IGBP1: variants seen among roughly 807,000 people sequenced by gnomAD.
IGBP1 encodes immunoglobulin binding protein 1.
Under a neutral mutation model 25.9 loss-of-function variants are expected in IGBP1, and 2 were observed. The observed-to-expected ratio is 0.08, with a 90% confidence interval of 0.03 to 0.24. The LOEUF (loss-of-function observed/expected upper bound fraction) is 0.24. IGBP1 is among the 10% of genes least tolerant of loss of function. IGBP1 has a pLI of 1.00. For missense variants in IGBP1, 187 were observed against 260.4 expected (o/e 0.72, Z 1.94); for synonymous variants, 96 against 93.4 (o/e 1.03, Z -0.16).
intron 3 of IGBP1, among the ~76,000 whole-genome samples, chrX:70,143,374 A>G: frequency 8.9e-6 from 1 of 112,550 alleles, no homozygotes; most frequent in Non-Finnish European, 1.9e-5. Flanking sequence ...ATTGAATTCT[A>G]CATTGGCTGG....
At chrX:70,164,460 T>A (rs2085286829) in intron 6 of IGBP1, among the ~76,000 whole-genome samples, 1 of 112,034 alleles carries the variant, frequency 8.9e-6, no homozygotes, top group South Asian at 3.7e-4. Flanking sequence ...TAGAATTTTT[T>A]AAATTGGATT....
chrX:70,134,848 C>T, intron 3 of IGBP1, 32 bp downstream of exon 3: 1 of 1,171,426 alleles, frequency 8.5e-7, no homozygotes, highest in South Asian at 1.8e-5. Flanking sequence ...GAGGCCTGCC[C>T]AATGGCGGTG....
intron 3 of IGBP1, among the ~76,000 whole-genome samples, chrX:70,135,287 G>T (rs186930735): frequency 0.014 from 1,610 of 111,525 alleles, 36 homozygotes; most frequent in African/African-American, 0.049. Flanking sequence ...GGTTTTTTTT[G>T]TTGTTGTTGT....
intron 6 of IGBP1, among the ~76,000 whole-genome samples, chrX:70,165,393 A>G (rs972974266): frequency 1.8e-5 from 2 of 111,254 alleles, no homozygotes; most frequent in African/African-American, 6.5e-5. Flanking sequence ...TGGATGGAGG[A>G]GGAAACGTCA....
chrX:70,146,489 G>A, intron 3 of IGBP1, 144 bp from the exon 4 acceptor site: 1 of 513,241 alleles, frequency 1.9e-6, no homozygotes, highest in Non-Finnish European at 3.4e-6. Flanking sequence ...TAATTCTGGG[G>A]TATAGAATCT....
rs186338134 is a variant in IGBP1 at position 70,157,264 on chromosome X, G to C, written c.871+6942G>C. Reference sequence around the variant, plus strand: ...ATTACCTAAGGTTTTACCTTAACAAGGGTGGGGGTGGGGGCATAGGGAACA... The same window carrying C: ...ATTACCTAAGGTTTTACCTTAACAACGGTGGGGGTGGGGGCATAGGGAACA... On this transcript the variant is annotated intron_variant, in intron 6 of 6. Coordinates refer to ENST00000356413, the MANE Select transcript of IGBP1 (RefSeq NM_001551.3). Among the ~76,000 whole-genome samples the C allele has an allele frequency of 2.7e-3, 283 of 106,215 alleles. 1 individual carries two copies. The highest frequency in any genetic ancestry group is 4.1e-3 in the Non-Finnish European group (213 of 51,402). 92.2% of individuals were successfully genotyped at this position (106,215 alleles called of 115,157 possible).
At chrX:70,150,801 T>C (rs752673513) in intron 6 of IGBP1, among the ~76,000 whole-genome samples, 3 of 112,355 alleles carry the variant, frequency 2.7e-5, no homozygotes, top group South Asian at 3.7e-4. Flanking sequence ...TTTGACTTAC[T>C]GTACCTTTAG....
At position 70,145,565 on chromosome X, in the gene IGBP1, A is replaced by G. The variant is rs1317550676; in HGVS notation, c.483-1068A>G. 3.6e-5 allele frequency among the ~76,000 whole-genome samples: 4 copies of G among 111,456 alleles called. No homozygotes were observed. In the Admixed American group the frequency reaches 3.9e-4, roughly 11 times the overall value. ...AGCCTCCAGTGGCTTTCCCATTCAA[A>G]ATACCATGATATTTGATATTTGGTT... On this transcript the variant is annotated intron_variant, in intron 3 of 6. Coordinates refer to ENST00000356413, the MANE Select transcript of IGBP1 (RefSeq NM_001551.3).
intron 6 of IGBP1, among the ~76,000 whole-genome samples, chrX:70,151,936 A>G (rs368223635): frequency 1.8e-5 from 2 of 111,653 alleles, no homozygotes; most frequent in South Asian, 7.5e-4. Flanking sequence ...TGGCCTGGCT[A>G]GGATTTAAAA....
At position 70,166,025 on chromosome X, in the gene IGBP1, G is replaced by A; in HGVS notation, c.*44G>A. 1 of 1,187,581 alleles carries A rather than the reference G, an allele frequency of 8.4e-7. No homozygotes were observed. The highest frequency in any genetic ancestry group is 1.1e-6 in the Non-Finnish European group (1 of 875,756). On this transcript the variant is annotated 3_prime_UTR_variant, in exon 7 of 7. Transcript: ENST00000356413. Reference sequence around the variant, plus strand: ...GGACTGCAGGGTGCACAACTCCCCTGCCAAGGAAAACCATGCAGTCCTCCC... The same window carrying A: ...GGACTGCAGGGTGCACAACTCCCCTACCAAGGAAAACCATGCAGTCCTCCC...
At chrX:70,134,433 C>T in intron 2 of IGBP1, 90 bp from the exon 3 acceptor site, 3 of 984,872 alleles carry the variant, frequency 3.0e-6, no homozygotes, top group Non-Finnish European at 4.3e-6. Context: ...GGTCCACTCC[C>T]AGCCCAGCCT....
intron 3 of IGBP1, among the ~76,000 whole-genome samples, chrX:70,139,355 A>G (rs2085116724): frequency 9.0e-6 from 1 of 111,651 alleles, no homozygotes; most frequent in Non-Finnish European, 1.9e-5. Context: ...AGAAAATCCA[A>G]TTGGGCAAAC....
At chrX:70,135,219 G>A (rs999824696) in intron 3 of IGBP1, among the ~76,000 whole-genome samples, 2 of 112,232 alleles carry the variant, frequency 1.8e-5, no homozygotes, top group African/African-American at 3.2e-5. Flanking sequence ...ATCCTGAACT[G>A]ATCTTAGTCC....
chrX:70,140,660 G>A (rs1247962399), intron 3 of IGBP1, among the ~76,000 whole-genome samples: 1 of 111,829 alleles, frequency 8.9e-6, no homozygotes, highest in Non-Finnish European at 1.9e-5. Context: ...CAGCTGAATG[G>A]TATGTCCTCT....
Position 70,165,868 on chromosome X carries a change from CAAG to C in IGBP1, c.913_915del (p.Glu305del), listed in dbSNP as rs758271915. On this transcript the variant is annotated inframe_deletion, in exon 7 of 7. Coordinates refer to ENST00000356413, the MANE Select transcript of IGBP1 (RefSeq NM_001551.3). The stretch of plus-strand genomic sequence containing the variant: ...AAAAGCAGCTCAGCAACAGGAAGAA[CAAG>C]AAGAAAAGGAGGAAGAGGATGATGA... The C allele has an allele frequency of 2.0e-5, 24 of 1,206,451 alleles. No homozygotes were observed. In the African/African-American group the frequency reaches 3.4e-4, roughly 17 times the overall value.
rs954502429 is a variant in IGBP1, at chrX:70,134,109, A to T, written c.162A>T (p.Glu54Asp). ...KGLDLLEKAA[E>D]MLSQLDLFSR... is the part of the protein sequence containing the mutation. ...TGGACCTCCTTGAGAAGGCTGCCGAAATGTTATCGCAGCTCGACTTGTTCA... is the reference window on the plus strand; with the variant it reads ...TGGACCTCCTTGAGAAGGCTGCCGATATGTTATCGCAGCTCGACTTGTTCA... Residue 54 changes from glutamate (E) to aspartate (D), a missense_variant, in exon 2 of 7, where the codon GAA (glutamate) becomes GAT (aspartate). Coordinates refer to ENST00000356413, the MANE Select transcript of IGBP1 (RefSeq NM_001551.3). 2 of 1,210,065 alleles carry T rather than the reference A, an allele frequency of 1.7e-6. No individual in the cohort carries two copies. Among genetic ancestry groups the T allele is most frequent in the African/African-American group, 3.5e-5 (2 of 57,396 alleles).
At chrX:70,156,898 C>T (rs933325670) in intron 6 of IGBP1, among the ~76,000 whole-genome samples, 2 of 111,717 alleles carry the variant, frequency 1.8e-5, no homozygotes, top group Non-Finnish European at 1.9e-5. Context: ...CAAGATCACA[C>T]CATTGCACTC....
chrX:70,155,488 C>CT (rs1212891505), intron 6 of IGBP1, among the ~76,000 whole-genome samples: 1 of 78,355 alleles, frequency 1.3e-5, no homozygotes, highest in Admixed American at 1.5e-4. Context: ...GAGTGAGACT[C>CT]TGTCTCAAAA....
At chrX:70,154,668 G>A (rs1233469064) in intron 6 of IGBP1, among the ~76,000 whole-genome samples, 1 of 77,673 alleles carries the variant, frequency 1.3e-5, no homozygotes, top group African/African-American at 4.9e-5. Flanking sequence ...CCCTTGAGCC[G>A]AGGAGTTCAA....
Sources: allele counts gnomAD v4.1 joint callset (sites outside exome capture counted in the v4.1 genomes callset), GRCh38; gene constraint gnomAD v4.1.1; transcripts MANE v1.5; gene names NCBI Gene and HGNC (gene_info 2026-07-23, HGNC 2026-07-21).